TTN: variants seen among roughly 807,000 people sequenced by gnomAD.
TTN encodes titin.
In TTN, 1,525 loss-of-function variants were observed where a neutral mutation model predicts 3,223.0. The ratio of observed to expected loss-of-function variants is 0.47; its 90% CI spans 0.45 to 0.49. The LOEUF (loss-of-function observed/expected upper bound fraction) is 0.49. Among genes scored for constraint, TTN ranks in the 20% least tolerant of loss-of-function variants. TTN has a pLI of 0.00. For synonymous variants in TTN, 14,094 were observed against 15,161.0 expected (o/e 0.93, Z 5.17); for missense variants, 40,786 against 43,424.0 (o/e 0.94, Z 5.40).
chr2:178,527,045 A>G lies in TTN; in HGVS notation c.107943T>C (p.Ser35981=). The G allele has an allele frequency of 6.2e-6, 10 of 1,613,860 alleles. 1 individual carries two copies. The highest frequency in any genetic ancestry group is 4.5e-5 in the East Asian group (2 of 44,874). Residue 35981 remains serine, a synonymous_variant, in exon 363 of 363, where the codon TCT becomes TCC. Coordinates refer to ENST00000589042, the MANE Select transcript of TTN (RefSeq NM_001267550.2). ...LSLGNEFGSD[S]ATVNIHIRSI ...ATCGAATATGTATATTCACAGTGGC[A>G]GAGTCAGATCCAAATTCATTCCCTA...
chr2:178,785,415 C>T (rs1326153114), intron 15 of TTN, among the ~76,000 whole-genome samples: 2 of 152,026 alleles, frequency 1.3e-5, no homozygotes, highest in African/African-American at 4.8e-5. Context: ...ATAAGATAAC[C>T]ACTTGTGACT....
intron 116 of TTN, 56 bp downstream of exon 116, chr2:178,694,773 A>C (rs1309723486): frequency 6.7e-7 from 1 of 1,494,646 alleles, no homozygotes. Flanking sequence ...ATGTGAGTAT[A>C]GATCAGTAAA....
intron 47 of TTN, chr2:178,747,451 C>G: frequency 6.2e-7 from 1 of 1,613,392 alleles, no homozygotes; most frequent in Non-Finnish European, 8.5e-7. Flanking sequence ...ACTGATCTAA[C>G]TCAGATATTT....
intron 44 of TTN, 197 bp downstream of exon 44, chr2:178,758,787 C>G (rs769916371): frequency 1.6e-6 from 1 of 621,548 alleles, no homozygotes; most frequent in Non-Finnish European, 2.8e-6. Context: ...CCAAATGAAA[C>G]GTGATGGTCT....
rs2087209946 is a variant in TTN, at chr2:178,756,943, T to A, written c.10679-146A>T. The stretch of plus-strand genomic sequence containing the variant: ...AAGCAGCATGCCAGATGCAATATGA[T>A]CTAGATGTCAGGATCACACAAAAGA... On this transcript the variant is annotated intron_variant, in intron 45 of 362. Coordinates refer to ENST00000589042, the MANE Select transcript of TTN (RefSeq NM_001267550.2). 2.0e-5 allele frequency: 15 copies of A among 736,404 alleles called. No homozygotes were observed. The South Asian group carries it at 2.9e-4, about 14-fold the overall frequency. The allele number at this position is 736,404 out of a possible 1,614,324, so 45.6% of individuals were successfully genotyped here. A position where few individuals can be genotyped will look rare whatever the true frequency, so the allele number is the denominator to read the frequency against.
In TTN at chr2:178,548,744, T is replaced by C. The variant is rs756055571; in HGVS notation, c.92882A>G (p.Lys30961Arg). 1 of 1,613,742 alleles carries C rather than the reference T, an allele frequency of 6.2e-7. No individual in the cohort carries two copies. The highest frequency in any genetic ancestry group is 8.5e-7 in the Non-Finnish European group (1 of 1,179,796). Residue 30961 changes from lysine to arginine, a missense_variant, in exon 339 of 363, where the codon AAA becomes AGA. Transcript: ENST00000589042. This position sits in a 1 kb window ranked among gnomAD's most constrained non-coding sequence, Gnocchi z 4.3. Reference protein sequence around the residue: ...GRPTPTAVWSKPDSNLSLRAD... With the variant: ...GRPTPTAVWSRPDSNLSLRAD... ...CCGAAGGCTAAGGTTAGAGTCTGGT[T>C]TGCTCCACACAGCTGTAGGAGTAGG... is the stretch of plus-strand genomic sequence containing the variant.
chr2:178,679,200 C>A, intron 142 of TTN, 139 bp downstream of exon 142: 1 of 836,850 alleles, frequency 1.2e-6, no homozygotes, highest in South Asian at 1.7e-5. Context: ...GTAAACTGCT[C>A]CTGTGGCCAG....
In TTN at chr2:178,536,215, C is replaced by T; in HGVS notation, c.100532G>A (p.Ser33511Asn). Residue 33511 changes from serine to asparagine, a missense_variant, in exon 357 of 363, where the codon AGC (serine) becomes AAC (asparagine). Physicochemically the swap from Ser to Asn is conservative, Grantham distance 46. Coordinates refer to ENST00000589042, the MANE Select transcript of TTN (RefSeq NM_001267550.2). ...ELRNLNVRYQ[S>N]NATLVCKVTG... ...CACTTTGCAGACCAAGGTAGCATTG[C>T]TCTGATATCTGACATTTAGATTTCT... 2 of 1,613,250 alleles carry T rather than the reference C, an allele frequency of 1.2e-6. No homozygotes were observed. The highest frequency in any genetic ancestry group is 1.7e-6 in the Non-Finnish European group (2 of 1,179,534).
rs1405515462 is a variant in TTN at position 178,533,146 on chromosome 2, G to C, written c.103469C>G (p.Thr34490Ser). Reference protein sequence around the residue: ...TLRMAEILSGTESVPLTQVAK... With the variant: ...TLRMAEILSGSESVPLTQVAK... ...TACCTGTGTCAGTGGTACACTTTCA[G>C]TTCCAGAAAGAATTTCAGCCATTCT... The change falls in exon 358 of 363, where the codon ACT becomes AGT. Residue 34490 changes from threonine to serine, a missense_variant. Transcript: ENST00000589042. 6.2e-7 allele frequency: 1 copy of C among 1,613,916 alleles called. No individual in the cohort carries two copies. The highest frequency in any genetic ancestry group is 2.2e-5 in the East Asian group (1 of 44,874).
chr2:178,651,859 TC>T, intron 205 of TTN, 24 bp downstream of exon 205: 1 of 1,600,726 alleles, frequency 6.2e-7, no homozygotes, highest in Non-Finnish European at 8.5e-7. Flanking sequence ...GGCCGAGGTG[TC>T]CTAGCAGCTT....
At position 178,598,061 on chromosome 2, in the gene TTN, G is replaced by A. The variant is rs1307735804; in HGVS notation, c.57112-3C>T. The A allele has an allele frequency of 6.2e-7, 1 of 1,609,598 alleles. No homozygotes were observed. Among genetic ancestry groups the A allele is most frequent in the African/African-American group, 1.3e-5 (1 of 74,584 alleles). ...CCTCTCACTTCTTTATCTTTACCCTGGGGAGAAATCATAGACATTTTATAA... is the reference window on the plus strand; with the variant it reads ...CCTCTCACTTCTTTATCTTTACCCTAGGGAGAAATCATAGACATTTTATAA... On this transcript the variant is annotated splice_region_variant and splice_polypyrimidine_tract_variant and intron_variant, in intron 292 of 362. Transcript: ENST00000589042.
intron 164 of TTN, 50 bp from the exon 165 acceptor site, chr2:178,665,510 CATT>C (rs762707133): frequency 7.6e-6 from 12 of 1,578,230 alleles, no homozygotes; most frequent in Non-Finnish European, 1.0e-5. Context: ...TCAGTGGAGA[CATT>C]AATTAAATGA....
rs756552975 is a variant in TTN at position 178,569,267 on chromosome 2, C to T, written c.76865G>A (p.Trp25622Ter). ...TCCCCCATCCAACAAAGGAGGTTCC[C>T]ATGTAATTGATACTGAGTCTTTGGT... The part of the protein sequence containing the change: ...EITKDSVSIT[W>*]EPPLLDGGSK... The change falls in exon 326 of 363, where the codon TGG becomes TAG. Residue 25622 changes from tryptophan to a stop codon, truncating the protein, a stop_gained. Transcript: ENST00000589042. LOFTEE classifies it high-confidence loss of function. The T allele has an allele frequency of 2.5e-6, 4 of 1,606,034 alleles. No individual in the cohort carries two copies. Among genetic ancestry groups the T allele is most frequent in the Non-Finnish European group, 3.4e-6 (4 of 1,175,508 alleles).
rs772171111 is a variant in TTN at position 178,554,414 on chromosome 2, T to A, written c.88894+39A>T. ...CAGGTTAGCGTAGTTTATTTTTAAA[T>A]TTTTCACGTTTCAGTTTTCTAATGA... On this transcript the variant is annotated intron_variant, in intron 332 of 362. Transcript: ENST00000589042. 24 of 1,589,304 alleles carry A rather than the reference T, an allele frequency of 1.5e-5. 1 individual carries two copies. In the East Asian group the frequency reaches 1.6e-4, roughly 11 times the overall value.
chr2:178,756,674 A>C lies in TTN; in HGVS notation c.10802T>G (p.Phe3601Cys). Residue 3601 changes from phenylalanine (F) to cysteine (C), a missense_variant, in exon 46 of 363, where the codon TTT (phenylalanine) becomes TGT (cysteine). Physicochemically the swap from Phe to Cys is radical, Grantham distance 205 (BLOSUM62 -2). Transcript: ENST00000589042. ...TTCATATTCATATGATGATCCTTGA[A>C]ATGACTTAATTTCCTTTTGAGATAT... is the stretch of plus-strand genomic sequence containing the variant. ...SKISQKEIKSFQGSSYEYEVQ... is the reference protein window; with the variant it reads ...SKISQKEIKSCQGSSYEYEVQ... The C allele has an allele frequency of 6.2e-7, 1 of 1,613,822 alleles. No individual in the cohort carries two copies. The highest frequency in any genetic ancestry group is 8.5e-7 in the Non-Finnish European group (1 of 1,179,808).
chr2:178,604,567 C>A, intron 281 of TTN, 141 bp downstream of exon 281: 1 of 976,428 alleles, frequency 1.0e-6, no homozygotes, highest in East Asian at 2.6e-5. Context: ...GTGTGTGGGG[C>A]TAAACACTAC....
chr2:178,649,779 A>G, intron 211 of TTN, 38 bp downstream of exon 211: 2 of 1,596,438 alleles, frequency 1.3e-6, no homozygotes, highest in East Asian at 4.5e-5. Flanking sequence ...AAAATTGTAG[A>G]CACCACAAAA....
chr2:178,604,792 A>G lies in TTN; in HGVS notation c.54297T>C (p.His18099=). 6.2e-7 allele frequency: 1 copy of G among 1,612,394 alleles called. No individual in the cohort carries two copies. Among genetic ancestry groups the G allele is most frequent in the Non-Finnish European group, 8.5e-7 (1 of 1,179,002 alleles). ...PLDNGGSEIT[H]YVIDKRDASR... is the part of the protein sequence containing the mutation. ...TTGCATCACGTTTGTCAATAACATA[A>G]TGGGTGATTTCACTGCCACCATTAT... Residue 18099 remains histidine (H), a synonymous_variant, in exon 281 of 363, where the codon CAT becomes CAC. Coordinates refer to ENST00000589042, the MANE Select transcript of TTN (RefSeq NM_001267550.2).
rs765887443 is a variant in TTN, at chr2:178,608,784, T to C, written c.52227A>G (p.Lys17409=). The part of the protein sequence containing the change: ...SEIINYTLEK[K]DKTKPDSEWI... ...ATTCTGAGTCGGGTTTTGTCTTGTC[T>C]TTCTTTTCCAAAGTGTAGTTTATGA... The change falls in exon 274 of 363, where the codon AAA becomes AAG. Residue 17409 remains lysine, a synonymous_variant. Transcript: ENST00000589042. 1.2e-6 allele frequency: 2 copies of C among 1,612,576 alleles called. No individual in the cohort carries two copies. Among genetic ancestry groups the C allele is most frequent in the South Asian group, 2.2e-5 (2 of 91,070 alleles).
Sources: allele counts gnomAD v4.1 joint callset (sites outside exome capture counted in the v4.1 genomes callset), GRCh38; gene constraint gnomAD v4.1.1; non-coding constraint Gnocchi (gnomAD v3.1); transcripts MANE v1.5; gene names NCBI Gene and HGNC (gene_info 2026-07-23, HGNC 2026-07-21).